Variants in FAT3 observed in about 807,000 individuals in gnomAD.
The protein encoded by FAT3 is protocadherin Fat 3.
In FAT3, 95 loss-of-function variants were observed where a neutral mutation model predicts 310.2. The observed-to-expected ratio is 0.31, with a 90% confidence interval of 0.26 to 0.36. The LOEUF (loss-of-function observed/expected upper bound fraction) is 0.36. Among genes scored for constraint, FAT3 ranks in the 10% least tolerant of loss-of-function variants. The pLI is 1.00. For synonymous variants in FAT3, 2,314 were observed against 2,192.9 expected (o/e 1.06, Z -1.54); for missense variants, 5,408 against 5,715.6 (o/e 0.95, Z 1.74).
intron 3 of FAT3, among the ~76,000 whole-genome samples, chr11:92,644,179 C>T (rs970363326): frequency 2.6e-4 from 39 of 152,208 alleles, no homozygotes; most frequent in African/African-American, 8.7e-4. Context: ...GCCTCTGAAG[C>T]CTGCATTGAC....
intron 1 of FAT3, among the ~76,000 whole-genome samples, chr11:92,284,935 A>G (rs1946521058): frequency 6.6e-6 from 1 of 152,142 alleles, no homozygotes; most frequent in Non-Finnish European, 1.5e-5. Context: ...GACATCAGAA[A>G]CAGGAGTTTT....
At chr11:92,620,636 A>G (rs1159938851) in intron 3 of FAT3, among the ~76,000 whole-genome samples, 1 of 151,864 alleles carries the variant, frequency 6.6e-6, no homozygotes, top group African/African-American at 2.4e-5. Flanking sequence ...ATTCACACTT[A>G]TTCTTCCATT....
At chr11:92,358,830 G>A (rs1246977097) in intron 2 of FAT3, among the ~76,000 whole-genome samples, 11 of 152,170 alleles carry the variant, frequency 7.2e-5, no homozygotes, top group Non-Finnish European at 1.0e-4. Context: ...GGTTTGAGTT[G>A]CCAGCAGAAT....
chr11:92,804,041 A>T (rs1947436945), intron 10 of FAT3, among the ~76,000 whole-genome samples: 1 of 152,160 alleles, frequency 6.6e-6, no homozygotes, highest in Admixed American at 6.5e-5. Flanking sequence ...CTTTTTAAAG[A>T]TTCATTGTAA....
At chr11:92,636,933 C>T (rs1442876812) in intron 3 of FAT3, among the ~76,000 whole-genome samples, 1 of 152,194 alleles carries the variant, frequency 6.6e-6, no homozygotes, top group Non-Finnish European at 1.5e-5. Context: ...GCTGGTCTTA[C>T]ATAGCCTCTC....
intron 3 of FAT3, among the ~76,000 whole-genome samples, chr11:92,602,191 A>C (rs2135591458): frequency 6.6e-6 from 1 of 151,984 alleles, no homozygotes; most frequent in South Asian, 2.1e-4. Context: ...CTCCTGCCTC[A>C]GCCTCCTGAG....
chr11:92,343,630 A>G (rs542292049), intron 1 of FAT3, among the ~76,000 whole-genome samples: 2 of 152,336 alleles, frequency 1.3e-5, no homozygotes, highest in Admixed American at 6.5e-5. Flanking sequence ...AGAACTGTGC[A>G]AATTCTCTAT....
chr11:92,455,070 A>C (rs1951462323), intron 2 of FAT3, among the ~76,000 whole-genome samples: 1 of 152,156 alleles, frequency 6.6e-6, no homozygotes. Context: ...TTTGAGGATC[A>C]ACCGAGATTG....
intron 2 of FAT3, among the ~76,000 whole-genome samples, chr11:92,452,048 C>T (rs1175806840): frequency 2.0e-5 from 3 of 152,108 alleles, no homozygotes; most frequent in Non-Finnish European, 4.4e-5. Flanking sequence ...GGCAGATAGA[C>T]AGAGAGAAAG....
At chr11:92,499,355 A>G (rs1241147678) in intron 2 of FAT3, among the ~76,000 whole-genome samples, 2 of 152,074 alleles carry the variant, frequency 1.3e-5, no homozygotes. Context: ...GCTTGGAATC[A>G]TGTATTTTAT....
At chr11:92,763,973 C>A (rs1263555544) in intron 5 of FAT3, among the ~76,000 whole-genome samples, 1 of 152,168 alleles carries the variant, frequency 6.6e-6, no homozygotes, top group Non-Finnish European at 1.5e-5. Flanking sequence ...CTATAGCTAT[C>A]AGTTATGTTC....
intron 2 of FAT3, among the ~76,000 whole-genome samples, chr11:92,492,241 TTCCATCCATCCATCCATCCA>T (rs58384100): frequency 8.7e-5 from 13 of 148,848 alleles, no homozygotes; most frequent in South Asian, 2.2e-4. Flanking sequence ...ATATATATAT[TTCCATCCATCCATCCATCCA>T]TCCATCCATC....
Position 92,560,192 on chromosome 11 carries a change from C to T in FAT3, c.3607+35244C>T, listed in dbSNP as rs78320704. Among the ~76,000 whole-genome samples the T allele has an allele frequency of 5.9e-3, 899 of 152,230 alleles. 26 individuals carry two copies. In the East Asian group the frequency reaches 0.07, roughly 12 times the overall value. ...TTATTGTGATTTCGATTTACATTTGCCTAATGGCCAATGATGTTGAACATT... is the reference window on the plus strand; with the variant it reads ...TTATTGTGATTTCGATTTACATTTGTCTAATGGCCAATGATGTTGAACATT... On this transcript the variant is annotated intron_variant, in intron 3 of 27. Coordinates refer to ENST00000525166, the MANE Select transcript of FAT3 (RefSeq NM_001367949.2).
At position 92,649,874 on chromosome 11, in the gene FAT3, C is replaced by CATATATAT. The variant is rs10528724; in HGVS notation, c.3608-47475_3608-47468dup. Among the ~76,000 whole-genome samples the CATATATAT allele has an allele frequency of 4.6e-3, 227 of 49,562 alleles. 13 individuals are homozygous for CATATATAT. The highest frequency in any genetic ancestry group is 0.017 in the Middle Eastern group (1 of 60). 32.5% of individuals were successfully genotyped at this position (49,562 alleles called of 152,430 possible). Reference sequence around the variant, plus strand: ...TTGTTAAACACCCACTTTGTATGTTCATATATATATATATATATATATATA... The same window carrying CATATATAT: ...TTGTTAAACACCCACTTTGTATGTTCATATATATATATATATATATATATATATATATA... On this transcript the variant is annotated intron_variant, in intron 3 of 27. Coordinates refer to ENST00000525166, the MANE Select transcript of FAT3 (RefSeq NM_001367949.2).
chr11:92,651,372 G>A (rs960603449), intron 3 of FAT3, among the ~76,000 whole-genome samples: 3 of 152,296 alleles, frequency 2.0e-5, no homozygotes, highest in East Asian at 1.9e-4. Context: ...ATGAGGGCCC[G>A]TTTGGGCTTG....
chr11:92,551,294 A>T (rs1954807454), intron 3 of FAT3, among the ~76,000 whole-genome samples: 1 of 151,994 alleles, frequency 6.6e-6, no homozygotes, highest in Non-Finnish European at 1.5e-5. Context: ...CTCTGGGAAA[A>T]CTATTCTGTA....
intron 2 of FAT3, among the ~76,000 whole-genome samples, chr11:92,458,618 C>T (rs1951559566): frequency 6.6e-6 from 1 of 152,142 alleles, no homozygotes; most frequent in Admixed American, 6.5e-5. Flanking sequence ...ATATCTCTGA[C>T]CTGCTCAGTT....
intron 3 of FAT3, among the ~76,000 whole-genome samples, chr11:92,547,736 C>T (rs1369676209): frequency 2.0e-5 from 3 of 152,102 alleles, no homozygotes; most frequent in Non-Finnish European, 4.4e-5. Context: ...AACCTTCTGC[C>T]CTGGGTAGTA....
chr11:92,521,736 A>C (rs925002384), intron 2 of FAT3, among the ~76,000 whole-genome samples: 4 of 152,144 alleles, frequency 2.6e-5, no homozygotes, highest in Non-Finnish European at 5.9e-5. Flanking sequence ...AGTTACCAAC[A>C]TGGTGTCCTT....
Sources: allele counts gnomAD v4.1 joint callset (sites outside exome capture counted in the v4.1 genomes callset), GRCh38; gene constraint gnomAD v4.1.1; transcripts MANE v1.5; gene names NCBI Gene and HGNC (gene_info 2026-07-23, HGNC 2026-07-21).